Variants in ERBB4 observed in about 807,000 individuals in gnomAD.
The protein encoded by ERBB4 is erb-b2 receptor tyrosine kinase 4, also known as receptor tyrosine-protein kinase erbB-4.
A neutral mutation model predicts 158.0 loss-of-function variants in ERBB4; 42 were observed. The observed-to-expected ratio is 0.27, with a 90% CI of 0.21 to 0.34. The LOEUF (loss-of-function observed/expected upper bound fraction) is 0.34, where lower values mean the gene tolerates loss of function less well. Ranked by LOEUF, ERBB4 falls within the 10% of genes least tolerant of loss-of-function variation. The pLI, the probability that ERBB4 is intolerant of heterozygous loss-of-function variation, is 1.00. For synonymous variants in ERBB4, 583 were observed against 558.7 expected, an observed-to-expected ratio of 1.04 and a Z score of -0.61; for missense variants, 1,333 against 1,624.1, an observed-to-expected ratio of 0.82 and a Z score of 3.08.
chr2:211,460,359 T>A (rs1574530860), intron 20 of ERBB4, among the ~76,000 whole-genome samples: 1 of 152,284 alleles, frequency 6.6e-6, no homozygotes, highest in East Asian at 1.9e-4. Flanking sequence ...AAGCCTTGCA[T>A]GTAAGAGGTC....
At chr2:212,514,239 C>A (rs1372666116) in intron 1 of ERBB4, among the ~76,000 whole-genome samples, 1 of 150,678 alleles carries the variant, frequency 6.6e-6, no homozygotes, top group Non-Finnish European at 1.5e-5. Context: ...CCATTGACAA[C>A]ATATTTCCTT....
chr2:212,075,488 G>A (rs996249815), intron 2 of ERBB4, among the ~76,000 whole-genome samples: 6 of 151,854 alleles, frequency 4.0e-5, no homozygotes, highest in African/African-American at 1.4e-4. Flanking sequence ...GAAGTAAACT[G>A]CATATTAGCC....
intron 3 of ERBB4, among the ~76,000 whole-genome samples, chr2:211,946,191 A>G (rs1332326034): frequency 6.6e-6 from 1 of 152,058 alleles, no homozygotes; most frequent in African/African-American, 2.4e-5. Context: ...CATCAACTCT[A>G]TAGCAATCAT....
At chr2:212,398,882 G>A (rs1343299231) in intron 1 of ERBB4, among the ~76,000 whole-genome samples, 1 of 151,998 alleles carries the variant, frequency 6.6e-6, no homozygotes, top group Non-Finnish European at 1.5e-5. Context: ...GTAAAAATAT[G>A]TTTTCTGAAA....
intron 1 of ERBB4, among the ~76,000 whole-genome samples, chr2:212,524,812 C>A (rs1210300981): frequency 7.9e-5 from 12 of 151,866 alleles, no homozygotes; most frequent in Admixed American, 7.9e-4. Context: ...ATTCATATTT[C>A]TATTATTTTA....
At chr2:211,398,726 G>A (rs2062972795) in intron 25 of ERBB4, among the ~76,000 whole-genome samples, 1 of 152,200 alleles carries the variant, frequency 6.6e-6, no homozygotes, top group African/African-American at 2.4e-5. Flanking sequence ...AGTTACTTGG[G>A]AGGCTGAAGC....
intron 2 of ERBB4, among the ~76,000 whole-genome samples, chr2:212,111,487 T>C (rs1342551754): frequency 6.6e-6 from 1 of 152,204 alleles, no homozygotes; most frequent in African/African-American, 2.4e-5. Flanking sequence ...TTCACAATTT[T>C]GTTGCATCTT....
chr2:211,440,428 T>C (rs983438633), intron 20 of ERBB4, among the ~76,000 whole-genome samples: 1 of 152,178 alleles, frequency 6.6e-6, no homozygotes, highest in Non-Finnish European at 1.5e-5. Context: ...TCTAGATTAA[T>C]AGAAGCTGAG....
At chr2:211,536,365 A>T (rs907365385) in intron 20 of ERBB4, among the ~76,000 whole-genome samples, 1 of 104,328 alleles carries the variant, frequency 9.6e-6, no homozygotes, top group Non-Finnish European at 2.1e-5. Context: ...TGGGTATGGA[A>T]ATCAACAAAC....
chr2:211,748,900 C>A (rs538460522), intron 5 of ERBB4, among the ~76,000 whole-genome samples: 1 of 152,146 alleles, frequency 6.6e-6, no homozygotes, highest in Non-Finnish European at 1.5e-5. Flanking sequence ...TGGTCACATG[C>A]GTGTCAGACC....
chr2:211,997,300 T>G (rs757123540), intron 2 of ERBB4, among the ~76,000 whole-genome samples: 10 of 152,136 alleles, frequency 6.6e-5, no homozygotes, highest in Non-Finnish European at 8.8e-5. Flanking sequence ...TCAACTTCTA[T>G]TATGTTTCCT....
intron 2 of ERBB4, among the ~76,000 whole-genome samples, chr2:212,067,287 T>C (rs778206666): frequency 7.2e-5 from 11 of 151,998 alleles, no homozygotes; most frequent in Non-Finnish European, 1.2e-4. Flanking sequence ...GCTGCACTTA[T>C]GTAAATAATC....
intron 20 of ERBB4, among the ~76,000 whole-genome samples, chr2:211,477,803 T>G (rs1028141736): frequency 7.2e-5 from 11 of 152,156 alleles, no homozygotes; most frequent in African/African-American, 2.7e-4. Flanking sequence ...AACTTATTAT[T>G]GCATAACAGT....
At chr2:211,657,894 A>G in intron 15 of ERBB4, 66 bp from the exon 16 acceptor site, 1 of 1,602,210 alleles carries the variant, frequency 6.2e-7, no homozygotes, top group Non-Finnish European at 8.6e-7. Flanking sequence ...CACATGCACC[A>G]GTGCTCACAC....
intron 3 of ERBB4, among the ~76,000 whole-genome samples, chr2:211,938,343 C>T (rs1326893169): frequency 1.3e-5 from 2 of 152,042 alleles, no homozygotes; most frequent in Non-Finnish European, 2.9e-5. Flanking sequence ...CTCAGGGAGC[C>T]CAGATTCTGA....
intron 1 of ERBB4, among the ~76,000 whole-genome samples, chr2:212,408,064 CATTTT>C (rs1407604894): frequency 6.6e-6 from 1 of 151,734 alleles, no homozygotes. Context: ...TTCTCAGTAA[CATTTT>C]ATTTTTATTT....
intron 13 of ERBB4, among the ~76,000 whole-genome samples, chr2:211,677,297 G>A (rs2072114252): frequency 1.3e-5 from 2 of 152,152 alleles, no homozygotes; most frequent in Admixed American, 6.5e-5. Context: ...GGGTGCAGTG[G>A]CTCATACCTG....
At chr2:211,871,455 C>T (rs952231076) in intron 3 of ERBB4, among the ~76,000 whole-genome samples, 2 of 151,688 alleles carry the variant, frequency 1.3e-5, no homozygotes, top group Admixed American at 1.3e-4. Flanking sequence ...ATCTCTCTAC[C>T]ATGTGCCTTA....
rs562717088 is a variant in ERBB4, at chr2:211,977,662, C to A, written c.235-30046G>T. Among the ~76,000 whole-genome samples the A allele has an allele frequency of 5.4e-3, 810 of 150,396 alleles. 8 individuals are homozygous for A. Among genetic ancestry groups the A allele is most frequent in the Middle Eastern group, 0.031 (9 of 286 alleles). Reference sequence around the variant, plus strand: ...GACCAGCCTGGCCAAAATGGTGAAACCCCATCTCTACTAAAAATACAAAAA... The same window carrying A: ...GACCAGCCTGGCCAAAATGGTGAAAACCCATCTCTACTAAAAATACAAAAA... On this transcript the variant is annotated intron_variant, in intron 2 of 27. Coordinates refer to ENST00000342788, the MANE Select transcript of ERBB4 (RefSeq NM_005235.3).
Sources: gnomAD v4.1 joint callset for allele counts (sites outside exome capture counted in the v4.1 genomes callset) on GRCh38, gnomAD v4.1.1 for gene constraint, MANE v1.5 for transcripts, NCBI Gene and HGNC (gene_info 2026-07-23, HGNC 2026-07-21) for gene names.